ALK: variants seen among roughly 807,000 people sequenced by gnomAD.
ALK encodes ALK receptor tyrosine kinase.
In ALK, 74 loss-of-function variants were observed where a neutral mutation model predicts 163.1. The observed-to-expected ratio is 0.45, with a 90% CI of 0.38 to 0.55. ALK has a LOEUF of 0.55. Ranked by LOEUF, ALK falls within the 20% of genes least tolerant of loss-of-function variation. The pLI is 0.00. For synonymous variants in ALK, 960 were observed against 843.2 expected, an observed-to-expected ratio of 1.14 and a Z score of -2.40; for missense variants, 2,063 against 2,105.3, an observed-to-expected ratio of 0.98 and a Z score of 0.39.
intron 23 of ALK, among the ~76,000 whole-genome samples, chr2:29,217,146 GT>G (rs1314899015): frequency 1.2e-4 from 14 of 113,520 alleles, no homozygotes; most frequent in Non-Finnish European, 2.6e-4. Flanking sequence ...GTGTGTGTGT[GT>G]GTAGTGTATG....
rs1573102854 is a variant in ALK, at chr2:29,209,845, A to T, written c.3777T>A (p.Cys1259Ter). 6.2e-7 allele frequency: 1 copy of T among 1,614,186 alleles called. No homozygotes were observed. The highest frequency in any genetic ancestry group is 8.5e-7 in the Non-Finnish European group (1 of 1,180,034). The change falls in exon 25 of 29, where the codon TGT (cysteine) becomes TGA (stop). Residue 1259 changes from cysteine (C) to a stop codon, truncating the protein, a stop_gained. Transcript: ENST00000389048. LOFTEE classifies it high-confidence loss of function. Reference sequence around the variant, plus strand: ...TCTTGGCCACTCTTCCAGGGCCTGGACAGGTCAAGAGGCAGTTTCTGGCAG... The same window carrying T: ...TCTTGGCCACTCTTCCAGGGCCTGGTCAGGTCAAGAGGCAGTTTCTGGCAG... ...DIAARNCLLT[C>*]PGPGRVAKIG...
intron 22 of ALK, chr2:29,221,065 G>A: frequency 1.5e-6 from 1 of 651,612 alleles, no homozygotes; most frequent in South Asian, 1.5e-5. Flanking sequence ...GCAGGAGAGT[G>A]GCTGGAGCTG....
At chr2:29,696,665 T>C (rs536292042) in intron 2 of ALK, among the ~76,000 whole-genome samples, 2 of 151,244 alleles carry the variant, frequency 1.3e-5, no homozygotes, top group Non-Finnish European at 2.9e-5. Flanking sequence ...ATCATTAGCG[T>C]ATCATTATAA....
chr2:29,354,341 A>C (rs1281965742), intron 5 of ALK, among the ~76,000 whole-genome samples: 1 of 152,196 alleles, frequency 6.6e-6, no homozygotes, highest in Non-Finnish European at 1.5e-5. Flanking sequence ...CCTAAGATGC[A>C]TGTGGCCTTG....
Position 29,227,745 on chromosome 2 carries a change from G to A in ALK, c.2816-73C>T. The A allele has an allele frequency of 8.1e-7, 1 of 1,238,280 alleles. No homozygotes were observed. The allele number at this position is 1,238,280 out of a possible 1,614,324, so 76.7% of individuals were successfully genotyped here. A position where few individuals can be genotyped will look rare whatever the true frequency, so the allele number is the denominator to read the frequency against. ...AATCTTAACACACACACACGTCAGT[G>A]GGGCATGCAGCTCTGGCCAAAGTTA... On this transcript the variant is annotated intron_variant, in intron 16 of 28. Transcript: ENST00000389048. The surrounding 1 kb of genome is among the most constrained non-coding windows in gnomAD (Gnocchi z 4.4).
chr2:29,683,835 G>A (rs1340370887), intron 3 of ALK, among the ~76,000 whole-genome samples: 2 of 152,144 alleles, frequency 1.3e-5, no homozygotes, highest in African/African-American at 4.8e-5. Flanking sequence ...GTTGACTGCT[G>A]TCAGGCAGGG....
chr2:29,803,763 A>G (rs1432071398), intron 1 of ALK, among the ~76,000 whole-genome samples: 2 of 152,232 alleles, frequency 1.3e-5, no homozygotes, highest in Non-Finnish European at 2.9e-5. Flanking sequence ...AAATAATGGG[A>G]TGCCAAGCTT....
In ALK at chr2:29,828,084, T is replaced by TAAATAGTGCTGGGAAAACTGGCTAGCC. The variant is rs1448242255; in HGVS notation, c.667+91882_667+91908dup. Among the ~76,000 whole-genome samples, 5 of 152,306 alleles carry TAAATAGTGCTGGGAAAACTGGCTAGCC rather than the reference T, an allele frequency of 3.3e-5. No individual in the cohort carries two copies. The East Asian group carries it at 9.7e-4, about 29-fold the overall frequency. ...AATGGGGAAATGATTCCCTGTTTAATAAATAGTGCTGGGAAAACTGGCTAG... is the reference window on the plus strand; with the variant it reads ...AATGGGGAAATGATTCCCTGTTTAATAAATAGTGCTGGGAAAACTGGCTAGCCAAATAGTGCTGGGAAAACTGGCTAG... On this transcript the variant is annotated intron_variant, in intron 1 of 28. Transcript: ENST00000389048.
At chr2:29,408,558 C>T (rs1573328104) in intron 4 of ALK, among the ~76,000 whole-genome samples, 1 of 152,208 alleles carries the variant, frequency 6.6e-6, no homozygotes, top group East Asian at 1.9e-4. Context: ...AGTGTTCAAT[C>T]GAGGTATATG....
At chr2:29,552,697 G>A (rs1471775112) in intron 3 of ALK, among the ~76,000 whole-genome samples, 1 of 151,892 alleles carries the variant, frequency 6.6e-6, no homozygotes, top group African/African-American at 2.4e-5. Flanking sequence ...TTTTTAGTTG[G>A]GTTGTTTGCT....
chr2:29,287,271 T>C (rs1164799360), intron 9 of ALK, among the ~76,000 whole-genome samples: 1 of 152,214 alleles, frequency 6.6e-6, no homozygotes, highest in East Asian at 1.9e-4. Context: ...CACTAATATT[T>C]ACAATAGTCA....
At chr2:29,352,621 T>C (rs1668147200) in intron 5 of ALK, among the ~76,000 whole-genome samples, 1 of 152,226 alleles carries the variant, frequency 6.6e-6, no homozygotes, top group Non-Finnish European at 1.5e-5. Context: ...ATTGTGACGT[T>C]GACCGATCAA....
chr2:29,287,244 G>A (rs924268662), intron 9 of ALK, among the ~76,000 whole-genome samples: 4 of 152,100 alleles, frequency 2.6e-5, no homozygotes, highest in Admixed American at 6.5e-5. Context: ...GAAATACGAC[G>A]AAAGCACATT....
intron 1 of ALK, among the ~76,000 whole-genome samples, chr2:29,822,865 T>C (rs1236571003): frequency 6.6e-6 from 1 of 152,220 alleles, no homozygotes; most frequent in Non-Finnish European, 1.5e-5. Context: ...GGTTATATTC[T>C]TCCTAAGGAC....
At chr2:29,491,774 G>GT (rs747712132) in intron 4 of ALK, among the ~76,000 whole-genome samples, 2 of 152,138 alleles carry the variant, frequency 1.3e-5, no homozygotes, top group Non-Finnish European at 2.9e-5. Context: ...CAAGAAGGCA[G>GT]TGACTAAAGG....
intron 1 of ALK, among the ~76,000 whole-genome samples, chr2:29,729,537 C>T (rs140457358): frequency 6.6e-6 from 1 of 152,244 alleles, no homozygotes; most frequent in African/African-American, 2.4e-5. Context: ...TTGGGGAAAA[C>T]ATGAAAGTCA....
intron 1 of ALK, among the ~76,000 whole-genome samples, chr2:29,838,026 T>A (rs1409962759): frequency 1.3e-5 from 2 of 152,198 alleles, no homozygotes; most frequent in Non-Finnish European, 2.9e-5. Context: ...AAAAAAATTT[T>A]AAAAAGAATC....
chr2:29,295,169 C>T (rs183815827), intron 9 of ALK, among the ~76,000 whole-genome samples: 22 of 152,276 alleles, frequency 1.4e-4, no homozygotes, highest in African/African-American at 4.8e-4. Context: ...AGTATCAATA[C>T]TGGAAATGTT....
At chr2:29,271,232 G>A (rs894703510) in intron 11 of ALK, among the ~76,000 whole-genome samples, 2 of 152,188 alleles carry the variant, frequency 1.3e-5, no homozygotes, top group Non-Finnish European at 2.9e-5. Flanking sequence ...CCAGAAGGGC[G>A]TACTTGGAAC....
Sources: gnomAD v4.1 joint callset for allele counts (sites outside exome capture counted in the v4.1 genomes callset) on GRCh38, gnomAD v4.1.1 for gene constraint, Gnocchi (gnomAD v3.1) non-coding constraint, MANE v1.5 for transcripts, NCBI Gene and HGNC (gene_info 2026-07-23, HGNC 2026-07-21) for gene names.